TTC13: variants seen among roughly 807,000 people sequenced by gnomAD.
The protein encoded by TTC13 is tetratricopeptide repeat domain 13.
A neutral mutation model predicts 120.0 loss-of-function variants in TTC13; 62 were observed. The ratio of observed to expected loss-of-function variants is 0.52; its 90% CI spans 0.42 to 0.64. The LOEUF is 0.64. TTC13 is among the 30% of genes least tolerant of loss of function. TTC13 has a pLI of 0.00. For missense variants in TTC13, 824 were observed against 1,050.2 expected (o/e 0.78, Z 2.98); for synonymous variants, 384 against 393.5 (o/e 0.98, Z 0.28).
intron 9 of TTC13, among the ~76,000 whole-genome samples, chr1:230,932,294 G>T: frequency 7.4e-6 from 1 of 134,742 alleles, no homozygotes. Context: ...CCTTAAAAAT[G>T]CATTTTTTTT....
intron 18 of TTC13, 37 bp from the exon 19 acceptor site, chr1:230,912,795 A>G (rs188457737): frequency 4.4e-6 from 7 of 1,583,458 alleles, no homozygotes; most frequent in African/African-American, 1.4e-5. Flanking sequence ...GGCATGTATT[A>G]TAAGTTCAAA....
intron 5 of TTC13, among the ~76,000 whole-genome samples, chr1:230,945,036 A>T (rs536319001): frequency 1.2e-4 from 18 of 152,336 alleles, no homozygotes; most frequent in East Asian, 9.6e-4. Context: ...TGCCTAAAAA[A>T]ACCTTTTGTT....
chr1:230,948,011 T>C (rs1308530832), intron 4 of TTC13, among the ~76,000 whole-genome samples: 1 of 152,168 alleles, frequency 6.6e-6, no homozygotes, highest in East Asian at 1.9e-4. Flanking sequence ...CCTAGGATAC[T>C]GTGATCACCT....
chr1:230,927,221 C>T (rs1039256112), intron 12 of TTC13, among the ~76,000 whole-genome samples: 1 of 152,066 alleles, frequency 6.6e-6, no homozygotes, highest in African/African-American at 2.4e-5. Context: ...TAGACATGTG[C>T]ACAAGTACAA....
intron 9 of TTC13, among the ~76,000 whole-genome samples, chr1:230,933,381 A>G (rs1013351145): frequency 6.6e-6 from 1 of 152,126 alleles, no homozygotes; most frequent in Non-Finnish European, 1.5e-5. Flanking sequence ...CAGCAGATGT[A>G]CATTATAATC....
intron 1 of TTC13, among the ~76,000 whole-genome samples, chr1:230,975,621 CAA>C (rs1264426833): frequency 3.3e-5 from 5 of 151,828 alleles, no homozygotes; most frequent in South Asian, 4.2e-4. Context: ...TACAAGTAAA[CAA>C]AGAGAGAAGA....
In TTC13 at chr1:230,954,356, G is replaced by A. The variant is rs761168798; in HGVS notation, c.490C>T (p.Arg164Trp). 1.9e-6 allele frequency: 3 copies of A among 1,611,812 alleles called. No individual in the cohort carries two copies. The highest frequency in any genetic ancestry group is 2.5e-6 in the Non-Finnish European group (3 of 1,178,756). ...ACCTGAAGCATTGTTGAAAAATGCC[G>A]TATTGCTTCATCATACAGACCACTG... ...IGSGLYDEAIRHFSTMLQEEP... is the reference protein window; with the variant it reads ...IGSGLYDEAIWHFSTMLQEEP... The change falls in exon 4 of 23, where the codon CGG (arginine) becomes TGG (tryptophan). Residue 164 changes from arginine (R) to tryptophan (W), a missense_variant. Physicochemically the swap from Arg to Trp is moderately radical, Grantham distance 101 (BLOSUM62 -3). Coordinates refer to ENST00000366661, the MANE Select transcript of TTC13 (RefSeq NM_024525.5).
rs1353046529 is a variant in TTC13 at position 230,908,765 on chromosome 1, G to A, written c.2415C>T (p.Ala805=). 6.2e-7 allele frequency: 1 copy of A among 1,613,440 alleles called. No homozygotes were observed. The highest frequency in any genetic ancestry group is 1.3e-5 in the African/African-American group (1 of 74,854). ...GKLVDFEAMT[A]PGSEAFSKVA... is the part of the protein sequence containing the mutation. Reference sequence around the variant, plus strand: ...CTTTGCTAAAGGCCTCTGAACCAGGGGCTGTCATAGCTTCAAAGTCGACTA... The same window carrying A: ...CTTTGCTAAAGGCCTCTGAACCAGGAGCTGTCATAGCTTCAAAGTCGACTA... Residue 805 remains alanine (A), a synonymous_variant, in exon 22 of 23, where the codon GCC becomes GCT. Transcript: ENST00000366661.
chr1:230,968,127 C>T (rs1344721914), intron 1 of TTC13, among the ~76,000 whole-genome samples: 1 of 142,210 alleles, frequency 7.0e-6, no homozygotes, highest in Non-Finnish European at 1.5e-5. Context: ...CCTCATCAGG[C>T]TTATCTATTT....
chr1:230,975,279 C>T (rs1354697984), intron 1 of TTC13, among the ~76,000 whole-genome samples: 1 of 151,702 alleles, frequency 6.6e-6, no homozygotes, highest in Non-Finnish European at 1.5e-5. Flanking sequence ...GAAGCTGAGG[C>T]AGGACGATGG....
At chr1:230,924,795 G>T in intron 14 of TTC13, 46 bp downstream of exon 14, 1 of 1,608,944 alleles carries the variant, frequency 6.2e-7, no homozygotes, top group South Asian at 1.1e-5. Flanking sequence ...GACGTTATTT[G>T]ACAATGATAA....
Position 230,918,173 on chromosome 1 carries a change from AT to A in TTC13, c.1984-1872del, listed in dbSNP as rs1252227704. On this transcript the variant is annotated intron_variant, in intron 17 of 22. Coordinates refer to ENST00000366661, the MANE Select transcript of TTC13 (RefSeq NM_024525.5). ...TTTTGCACTTAAACGCTAACTATTT[AT>A]TATATAGTTTTCATACATACTGAAT... Among the ~76,000 whole-genome samples, 3 of 152,322 alleles carry A rather than the reference AT, an allele frequency of 2.0e-5. No homozygotes were observed. The East Asian group carries it at 5.8e-4, about 29-fold the overall frequency.
intron 1 of TTC13, among the ~76,000 whole-genome samples, chr1:230,974,227 G>A (rs1678038908): frequency 1.3e-5 from 2 of 152,084 alleles, no homozygotes. Context: ...CTAAGTCTCA[G>A]CTCAAATGTC....
intron 3 of TTC13, among the ~76,000 whole-genome samples, chr1:230,957,730 A>G (rs1676227934): frequency 6.6e-6 from 1 of 152,060 alleles, no homozygotes; most frequent in Middle Eastern, 3.2e-3. Flanking sequence ...ACATGCAATG[A>G]ACACACCAAA....
chr1:230,954,841 A>G (rs1218501390), intron 3 of TTC13, among the ~76,000 whole-genome samples: 3 of 152,232 alleles, frequency 2.0e-5, no homozygotes, highest in Non-Finnish European at 4.4e-5. Context: ...GGGAGTGCTG[A>G]ATTTACTGCC....
At chr1:230,937,354 A>AT (rs1447404839) in intron 8 of TTC13, among the ~76,000 whole-genome samples, 3 of 152,124 alleles carry the variant, frequency 2.0e-5, no homozygotes, top group Admixed American at 6.5e-5. Context: ...ATAGGTTGGT[A>AT]TTTTTTGTAT....
intron 1 of TTC13, among the ~76,000 whole-genome samples, chr1:230,968,794 G>A (rs1262342578): frequency 6.6e-6 from 1 of 152,206 alleles, no homozygotes; most frequent in African/African-American, 2.4e-5. Flanking sequence ...AGTTTAAGAG[G>A]AAGAGAGGTT....
intron 2 of TTC13, among the ~76,000 whole-genome samples, chr1:230,959,882 C>T (rs1030053060): frequency 1.3e-5 from 2 of 152,162 alleles, no homozygotes; most frequent in Admixed American, 6.5e-5. Flanking sequence ...TGCCTGATAC[C>T]CCTAAATAAA....
intron 4 of TTC13, among the ~76,000 whole-genome samples, chr1:230,946,851 C>T (rs1274978267): frequency 6.6e-6 from 1 of 152,030 alleles, no homozygotes; most frequent in Non-Finnish European, 1.5e-5. Flanking sequence ...ATAGAGGTTG[C>T]TCATGCTATT....
Sources: allele counts gnomAD v4.1 joint callset (sites outside exome capture counted in the v4.1 genomes callset), GRCh38; gene constraint gnomAD v4.1.1; transcripts MANE v1.5; gene names NCBI Gene and HGNC (gene_info 2026-07-23, HGNC 2026-07-21).